The following GNAT3 variants were observed in gnomAD, a reference collection of about 807,000 sequenced individuals.
GNAT3 encodes guanine nucleotide-binding protein G(t) subunit alpha-3.
In GNAT3, 31 loss-of-function variants were observed where a neutral mutation model predicts 37.7. That is an observed-to-expected ratio of 0.82 (90% CI 0.62 to 1.11). The LOEUF is 1.11. GNAT3 is among the 50% of genes most tolerant of loss of function. The pLI is 0.00. For missense variants in GNAT3, 437 were observed against 412.5 expected (o/e 1.06, Z -0.51); for synonymous variants, 138 against 139.8 (o/e 0.99, Z 0.09).
At chr7:80,504,671 A>G (rs1292410350) in intron 1 of GNAT3, among the ~76,000 whole-genome samples, 1 of 152,250 alleles carries the variant, frequency 6.6e-6, no homozygotes, top group African/African-American at 2.4e-5. Context: ...AAAAATTTTA[A>G]GATATGAAAG....
intron 4 of GNAT3, 103 bp downstream of exon 4, chr7:80,478,738 A>C (rs963812904): frequency 2.8e-5 from 31 of 1,124,910 alleles, no homozygotes; most frequent in Admixed American, 4.4e-5. Context: ...ATGTAACACC[A>C]TTTATTTTCC....
chr7:80,472,719 A>T (rs1790240353), intron 5 of GNAT3, among the ~76,000 whole-genome samples: 1 of 152,120 alleles, frequency 6.6e-6, no homozygotes, highest in Non-Finnish European at 1.5e-5. Flanking sequence ...TCTAGGACAC[A>T]GAGAGTTCTA....
chr7:80,489,911 G>A (rs1790559166), intron 2 of GNAT3, among the ~76,000 whole-genome samples: 1 of 152,094 alleles, frequency 6.6e-6, no homozygotes, highest in Non-Finnish European at 1.5e-5. Flanking sequence ...CATGAAACAA[G>A]TTCTGATTAC....
Position 80,511,807 on chromosome 7 carries a change from A to T in GNAT3, c.118+2T>A, listed in dbSNP as rs200159516. 2.5e-6 allele frequency: 4 copies of T among 1,584,660 alleles called. No homozygotes were observed. The highest frequency in any genetic ancestry group is 2.2e-5 in the East Asian group (1 of 44,648). On this transcript the variant is annotated splice_donor_variant, in intron 1 of 7. Transcript: ENST00000398291. LOFTEE classifies it high-confidence loss of function. ...TTGAAAGCAAAAGGGAAAAGAAATT[A>T]CCTAATAGTAGCAGCTTTACGGTTC...
intron 1 of GNAT3, among the ~76,000 whole-genome samples, chr7:80,494,900 C>T (rs543047606): frequency 6.6e-6 from 1 of 152,186 alleles, no homozygotes; most frequent in African/African-American, 2.4e-5. Context: ...TCTCACTTTT[C>T]CAAGTCTCCA....
In GNAT3 at chr7:80,497,552, GTATATACA is replaced by G. The variant is rs1790740270; in HGVS notation, c.119-2913_119-2906del. On this transcript the variant is annotated intron_variant, in intron 1 of 7. Coordinates refer to ENST00000398291, the MANE Select transcript of GNAT3 (RefSeq NM_001102386.3). ...TCTCTCTATATATATACACATATACGTATATACATATACGTATATACATATACGTATAT... is the reference window on the plus strand; with the variant it reads ...TCTCTCTATATATATACACATATACGTATACGTATATACATATACGTATAT... Among the ~76,000 whole-genome samples the G allele has an allele frequency of 2.3e-5, 3 of 130,252 alleles. 1 individual carries two copies. The highest frequency in any genetic ancestry group is 7.8e-5 in the Admixed American group (1 of 12,868). The allele number at this position is 130,252 out of a possible 152,430, so 85.5% of individuals were successfully genotyped here.
intron 3 of GNAT3, chr7:80,486,632 C>CTTTTTTTTT (rs762169940): frequency 3.0e-5 from 3 of 98,422 alleles, no homozygotes; most frequent in Non-Finnish European, 3.7e-5. Flanking sequence ...TTTTCTTTTC[C>CTTTTTTTTT]TTTTTTTTTT....
intron 1 of GNAT3, among the ~76,000 whole-genome samples, chr7:80,498,206 C>T (rs190300755): frequency 6.2e-4 from 94 of 152,138 alleles, no homozygotes; most frequent in African/African-American, 2.2e-3. Flanking sequence ...ATACAGATAA[C>T]ACTAAGTTGT....
chr7:80,467,645 T>C (rs1367639594), intron 5 of GNAT3, among the ~76,000 whole-genome samples: 2 of 152,110 alleles, frequency 1.3e-5, no homozygotes, highest in East Asian at 1.9e-4. Context: ...AGTGAAGTAA[T>C]TGCTTATATT....
At chr7:80,500,980 G>C (rs1790821876) in intron 1 of GNAT3, among the ~76,000 whole-genome samples, 1 of 151,654 alleles carries the variant, frequency 6.6e-6, no homozygotes, top group Non-Finnish European at 1.5e-5. Context: ...ATGTCTGTGA[G>C]GATGATTGAC....
intron 2 of GNAT3, among the ~76,000 whole-genome samples, chr7:80,492,486 T>C (rs920575358): frequency 3.3e-5 from 5 of 152,068 alleles, no homozygotes; most frequent in African/African-American, 1.2e-4. Flanking sequence ...TGATTTGTAA[T>C]AGTTATATAA....
intron 3 of GNAT3, among the ~76,000 whole-genome samples, chr7:80,479,682 G>A (rs1790359559): frequency 7.5e-6 from 1 of 133,292 alleles, no homozygotes. Context: ...CTACATTTCA[G>A]CCTAGGTGAC....
chr7:80,498,787 T>C (rs140558351), intron 1 of GNAT3, among the ~76,000 whole-genome samples: 1,626 of 152,222 alleles, frequency 0.011, 33 homozygotes, highest in African/African-American at 0.037. Context: ...TAACAAGATA[T>C]GCATCTGTTT....
chr7:80,459,872 G>A (rs1790020276), intron 7 of GNAT3, among the ~76,000 whole-genome samples: 2 of 152,210 alleles, frequency 1.3e-5, no homozygotes, highest in African/African-American at 4.8e-5. Context: ...AGTTATAGGA[G>A]TTAATTGCTT....
intron 3 of GNAT3, chr7:80,487,805 C>T (rs893854736): frequency 3.3e-5 from 5 of 152,138 alleles, no homozygotes; most frequent in Non-Finnish European, 7.3e-5. Flanking sequence ...GTGGATTCTA[C>T]TCCGTTACTC....
In GNAT3 at chr7:80,500,784, C is replaced by G. The variant is rs1790817581; in HGVS notation, c.119-6137G>C. Among the ~76,000 whole-genome samples the G allele has an allele frequency of 2.0e-5, 3 of 151,974 alleles. No individual in the cohort carries two copies. In the South Asian group the frequency reaches 6.2e-4, roughly 32 times the overall value. The stretch of plus-strand genomic sequence containing the variant: ...TTATTTTTTGGCACCTCCTGACATT[C>G]TTTTGATTTTTCTCTTTTAATTTGA... On this transcript the variant is annotated intron_variant, in intron 1 of 7. Transcript: ENST00000398291.
intron 5 of GNAT3, among the ~76,000 whole-genome samples, chr7:80,466,270 A>G (rs1790127986): frequency 6.6e-6 from 1 of 152,074 alleles, no homozygotes; most frequent in African/African-American, 2.4e-5. Flanking sequence ...ACTAAGCAGA[A>G]CTTGCATTAG....
At chr7:80,504,396 A>G (rs1192851306) in intron 1 of GNAT3, among the ~76,000 whole-genome samples, 1 of 152,234 alleles carries the variant, frequency 6.6e-6, no homozygotes, top group Non-Finnish European at 1.5e-5. Flanking sequence ...ACTTTTTACT[A>G]GAGAAGAGCA....
At chr7:80,470,521 A>G (rs1403826851) in intron 5 of GNAT3, among the ~76,000 whole-genome samples, 1 of 152,198 alleles carries the variant, frequency 6.6e-6, no homozygotes, top group Non-Finnish European at 1.5e-5. Context: ...ACGCCCAGCC[A>G]AGAGAATATC....
Sources: gnomAD v4.1 joint callset for allele counts (sites outside exome capture counted in the v4.1 genomes callset) on GRCh38, gnomAD v4.1.1 for gene constraint, MANE v1.5 for transcripts, NCBI Gene and HGNC (gene_info 2026-07-23, HGNC 2026-07-21) for gene names.